Variants in WAPL observed in about 807,000 individuals in gnomAD.
The protein encoded by WAPL is wings apart-like protein homolog.
In WAPL, 5 loss-of-function variants were observed where a neutral mutation model predicts 121.0. That is an observed-to-expected ratio of 0.04 (90% CI 0.02 to 0.09). The LOEUF is 0.09. WAPL is among the 10% of genes least tolerant of loss of function. WAPL has a pLI of 1.00. For missense variants in WAPL, 999 were observed against 1,410.8 expected (o/e 0.71, Z 4.68); for synonymous variants, 480 against 481.5 (o/e 1.00, Z 0.04).
At position 86,518,148 on chromosome 10, in the gene WAPL, C is replaced by A. The variant is rs905722870; in HGVS notation, c.-22-57G>T. ...CATCAAATACAAGTGTTAAACAGTG[C>A]ATATAAAAATAAAAACCTAGGGATT... On this transcript the variant is annotated intron_variant, in intron 1 of 18. Coordinates refer to ENST00000298767, the MANE Select transcript of WAPL (RefSeq NM_015045.5). The A allele has an allele frequency of 3.4e-6, 5 of 1,481,290 alleles. No individual in the cohort carries two copies. The African/African-American group carries it at 7.1e-5, about 21-fold the overall frequency. The allele number at this position is 1,481,290 out of a possible 1,614,324, so 91.8% of individuals were successfully genotyped here.
intron 15 of WAPL, among the ~76,000 whole-genome samples, chr10:86,449,800 A>G (rs1257656655): frequency 2.0e-5 from 3 of 152,224 alleles, no homozygotes; most frequent in Non-Finnish European, 4.4e-5. Flanking sequence ...AAAAAATAAA[A>G]CAAGAGATGG....
chr10:86,457,901 T>C (rs966960314), intron 12 of WAPL, among the ~76,000 whole-genome samples: 3 of 152,206 alleles, frequency 2.0e-5, no homozygotes, highest in African/African-American at 7.2e-5. Context: ...TAAGTATTTA[T>C]GGACGAAATA....
At chr10:86,506,188 T>C (rs1026931949) in intron 2 of WAPL, among the ~76,000 whole-genome samples, 2 of 152,130 alleles carry the variant, frequency 1.3e-5, no homozygotes, top group South Asian at 2.1e-4. Flanking sequence ...TGAAACATGA[T>C]TGCATTACTG....
intron 2 of WAPL, among the ~76,000 whole-genome samples, chr10:86,513,290 T>A (rs572933812): frequency 6.6e-6 from 1 of 152,110 alleles, no homozygotes; most frequent in South Asian, 2.1e-4. Flanking sequence ...GTATGTTTTA[T>A]AGTGACCTCA....
At chr10:86,446,600 C>A in intron 15 of WAPL, 151 bp from the exon 16 acceptor site, 1 of 877,774 alleles carries the variant, frequency 1.1e-6, no homozygotes, top group South Asian at 1.9e-5. Flanking sequence ...AAAGCTTTTG[C>A]TCTACACCCT....
At chr10:86,513,389 C>T (rs573765876) in intron 2 of WAPL, among the ~76,000 whole-genome samples, 1 of 152,298 alleles carries the variant, frequency 6.6e-6, no homozygotes, top group South Asian at 2.1e-4. Context: ...GGCTGGAGTG[C>T]GGTGGCATAA....
rs746488024 is a variant in WAPL at position 86,451,998 on chromosome 10, C to G, written c.3083G>C (p.Gly1028Ala). ...GEGDDSLRIG[G>A]QVHAVQALVQ... ...TAAAGCCTGGACAGCATGAACTTGT[C>G]CACCTATCCTTAAACTATCATCCCC... Residue 1028 changes from glycine (G) to alanine (A), a missense_variant, in exon 15 of 19, where the codon GGA becomes GCA. Physicochemically the swap from Gly to Ala is moderately conservative, Grantham distance 60 (BLOSUM62 0). Transcript: ENST00000298767. The G allele has an allele frequency of 2.5e-6, 4 of 1,614,024 alleles. No homozygotes were observed. The highest frequency in any genetic ancestry group is 3.4e-6 in the Non-Finnish European group (4 of 1,180,026).
At chr10:86,453,467 T>C in intron 13 of WAPL, 132 bp from the exon 14 acceptor site, 1 of 1,201,042 alleles carries the variant, frequency 8.3e-7, no homozygotes, top group Non-Finnish European at 1.2e-6. Context: ...CTATTGATAC[T>C]TCTGGGTCAA....
intron 4 of WAPL, among the ~76,000 whole-genome samples, chr10:86,484,643 A>G (rs1458033268): frequency 1.3e-5 from 2 of 152,140 alleles, no homozygotes; most frequent in Non-Finnish European, 2.9e-5. Context: ...TCACTCACTG[A>G]CTCCCAAAGA....
chr10:86,494,114 T>C (rs1589528872), intron 4 of WAPL, among the ~76,000 whole-genome samples: 1 of 152,188 alleles, frequency 6.6e-6, no homozygotes, highest in African/African-American at 2.4e-5. Flanking sequence ...CAAATAAAGG[T>C]AGGACTTCTA....
chr10:86,435,276 T>C lies in WAPL; in HGVS notation c.*2267A>G, dbSNP rs1306995251. 6.5e-6 allele frequency: 1 copy of C among 152,690 alleles called. No homozygotes were observed. Among genetic ancestry groups the C allele is most frequent in the Non-Finnish European group, 1.5e-5 (1 of 68,052 alleles). The allele number at this position is 152,690 out of a possible 1,614,324, so 9.5% of individuals were successfully genotyped here. A position where few individuals can be genotyped will look rare whatever the true frequency, so the allele number is the denominator to read the frequency against. ...ACATGTGTATTGAAAGTAGCAATTT[T>C]ATTTGAGTTAAAATTATTTACAAAA... On this transcript the variant is annotated 3_prime_UTR_variant, in exon 19 of 19. Coordinates refer to ENST00000298767, the MANE Select transcript of WAPL (RefSeq NM_015045.5).
At chr10:86,498,507 T>C (rs570925555) in intron 3 of WAPL, among the ~76,000 whole-genome samples, 51 of 152,238 alleles carry the variant, frequency 3.4e-4, no homozygotes, top group Non-Finnish European at 6.2e-4. Context: ...TAAAGCAAAA[T>C]GGTAGGTAAT....
chr10:86,521,489 C>T lies in WAPL; in HGVS notation c.-147G>A. ...GCCGGCAGGTGAGAGCCGAGAGAGGCGAGGGACTCTGCTTTCGGTAAATAG... is the reference window on the plus strand; with the variant it reads ...GCCGGCAGGTGAGAGCCGAGAGAGGTGAGGGACTCTGCTTTCGGTAAATAG... On this transcript the variant is annotated 5_prime_UTR_variant, in exon 1 of 19. Coordinates refer to ENST00000298767, the MANE Select transcript of WAPL (RefSeq NM_015045.5). The T allele has an allele frequency of 2.9e-6, 1 of 343,806 alleles. No homozygotes were observed. Among genetic ancestry groups the T allele is most frequent in the South Asian group, 2.2e-5 (1 of 44,840 alleles). 21.3% of individuals were successfully genotyped at this position (343,806 alleles called of 1,614,324 possible). A position where few individuals can be genotyped will look rare whatever the true frequency, so the allele number is the denominator to read the frequency against.
At chr10:86,492,000 T>C (rs1288939540) in intron 4 of WAPL, among the ~76,000 whole-genome samples, 1 of 152,250 alleles carries the variant, frequency 6.6e-6, no homozygotes, top group Admixed American at 6.5e-5. Context: ...ATGTACTGTC[T>C]GACCAACACT....
chr10:86,447,160 T>C (rs893573756), intron 15 of WAPL, among the ~76,000 whole-genome samples: 1 of 152,204 alleles, frequency 6.6e-6, no homozygotes, highest in Non-Finnish European at 1.5e-5. Flanking sequence ...AGTTTTGGAA[T>C]CTACATGCCA....
chr10:86,458,949 G>A (rs767941751), intron 12 of WAPL, 40 bp downstream of exon 12: 1 of 1,484,676 alleles, frequency 6.7e-7, no homozygotes, highest in Admixed American at 1.8e-5. Flanking sequence ...TTTAAAATAA[G>A]TAACAATGTT....
chr10:86,470,019 C>T (rs1315209118), intron 8 of WAPL, among the ~76,000 whole-genome samples: 1 of 151,918 alleles, frequency 6.6e-6, no homozygotes, highest in Non-Finnish European at 1.5e-5. Context: ...ACCACCTTGC[C>T]CAGCAACAAA....
chr10:86,514,250 C>A (rs1361179126), intron 2 of WAPL, among the ~76,000 whole-genome samples: 1 of 152,068 alleles, frequency 6.6e-6, no homozygotes, highest in Non-Finnish European at 1.5e-5. Context: ...CAAAAGCATC[C>A]CCACAACTAT....
chr10:86,460,953 T>C (rs1181723006), intron 10 of WAPL, among the ~76,000 whole-genome samples: 1 of 152,196 alleles, frequency 6.6e-6, no homozygotes, highest in Admixed American at 6.5e-5. Context: ...CCTCAGGTGA[T>C]CCGCCCGCCT....
Sources: allele counts gnomAD v4.1 joint callset (sites outside exome capture counted in the v4.1 genomes callset), GRCh38; gene constraint gnomAD v4.1.1; transcripts MANE v1.5; gene names NCBI Gene and HGNC (gene_info 2026-07-23, HGNC 2026-07-21).